LRP1B: variants seen among roughly 807,000 people sequenced by gnomAD.
LRP1B encodes the protein low-density lipoprotein receptor-related protein 1B.
In LRP1B, 217 loss-of-function variants were observed where a neutral mutation model predicts 556.6. The observed-to-expected ratio is 0.39, with a 90% CI of 0.35 to 0.44. The LOEUF is 0.44. Ranked by LOEUF, LRP1B falls within the 20% of genes least tolerant of loss-of-function variation. The pLI is 1.00. For synonymous variants in LRP1B, 2,047 were observed against 1,865.8 expected (o/e 1.10, Z -2.50); for missense variants, 5,053 against 5,620.8 (o/e 0.90, Z 3.23).
chr2:141,674,848 T>A (rs916616789), intron 2 of LRP1B, among the ~76,000 whole-genome samples: 3 of 152,014 alleles, frequency 2.0e-5, no homozygotes, highest in African/African-American at 7.2e-5. Flanking sequence ...ACATGTACAT[T>A]AGACATTTTG....
At chr2:141,125,385 C>T (rs183289009) in intron 7 of LRP1B, among the ~76,000 whole-genome samples, 46 of 152,176 alleles carry the variant, frequency 3.0e-4, no homozygotes, top group African/African-American at 1.1e-3. Flanking sequence ...CAGCAGTGAG[C>T]CCATGCATGC....
intron 1 of LRP1B, among the ~76,000 whole-genome samples, chr2:141,922,234 T>C (rs577613660): frequency 3.0e-4 from 46 of 152,308 alleles, no homozygotes; most frequent in Non-Finnish European, 5.7e-4. Context: ...AAAATACGTA[T>C]TGAAGTAAGC....
intron 2 of LRP1B, among the ~76,000 whole-genome samples, chr2:141,709,697 C>A (rs16846925): frequency 2.6e-5 from 4 of 151,968 alleles, no homozygotes; most frequent in Non-Finnish European, 5.9e-5. Context: ...CATCACTATA[C>A]GTGGTGTGTG....
rs1021852396 is a variant in LRP1B at position 140,883,667 on chromosome 2, C to A, written c.4169+150G>T. 1.4e-5 allele frequency: 8 copies of A among 584,682 alleles called. 1 individual carries two copies. In the Admixed American group the frequency reaches 1.8e-4, roughly 13 times the overall value. The allele number at this position is 584,682 out of a possible 1,614,324, so 36.2% of individuals were successfully genotyped here. A position where few individuals can be genotyped will look rare whatever the true frequency, so the allele number is the denominator to read the frequency against. On this transcript the variant is annotated intron_variant, in intron 25 of 90. Coordinates refer to ENST00000389484, the MANE Select transcript of LRP1B (RefSeq NM_018557.3). The stretch of plus-strand genomic sequence containing the variant: ...GCTGTATGTACAACTCACATACCTA[C>A]CCCCACCTCCCCGCCCCCGCCACAC...
rs536170970 is a variant in LRP1B at position 140,907,346 on chromosome 2, A to T, written c.3520+531T>A. 2.6e-5 allele frequency among the ~76,000 whole-genome samples: 4 copies of T among 152,258 alleles called. No homozygotes were observed. In the East Asian group the frequency reaches 7.7e-4, roughly 29 times the overall value. On this transcript the variant is annotated intron_variant, in intron 22 of 90. Coordinates refer to ENST00000389484, the MANE Select transcript of LRP1B (RefSeq NM_018557.3). ...GCTCATTGAAATCATCATTTTAACT[A>T]GATAAGGCATACTAAAGAAAGCTGT...
intron 2 of LRP1B, among the ~76,000 whole-genome samples, chr2:141,634,697 A>T (rs1473918925): frequency 6.6e-6 from 1 of 152,020 alleles, no homozygotes; most frequent in Admixed American, 6.6e-5. Context: ...AGAGGTATAT[A>T]GCTAATATTT....
intron 1 of LRP1B, among the ~76,000 whole-genome samples, chr2:141,992,626 G>T (rs549068360): frequency 1.5e-4 from 23 of 152,240 alleles, no homozygotes; most frequent in African/African-American, 5.1e-4. Context: ...TGTGCCATTT[G>T]GTCATAGACC....
At chr2:141,422,392 A>C (rs548615590) in intron 3 of LRP1B, among the ~76,000 whole-genome samples, 1 of 152,266 alleles carries the variant, frequency 6.6e-6, no homozygotes, top group East Asian at 1.9e-4. Context: ...TTCACTTCAA[A>C]ATTTTTAAGA....
chr2:141,543,579 G>A (rs1440047691), intron 2 of LRP1B, among the ~76,000 whole-genome samples: 1 of 144,866 alleles, frequency 6.9e-6, no homozygotes, highest in Non-Finnish European at 1.5e-5. Context: ...ACAAACACAA[G>A]CTGGGTATGG....
intron 2 of LRP1B, among the ~76,000 whole-genome samples, chr2:141,801,616 C>T (rs1223680749): frequency 6.6e-6 from 1 of 152,096 alleles, no homozygotes. Context: ...CATATATTTG[C>T]AGTACAGAAT....
chr2:140,454,554 T>C (rs1687019787), intron 62 of LRP1B, among the ~76,000 whole-genome samples: 1 of 152,190 alleles, frequency 6.6e-6, no homozygotes, highest in Non-Finnish European at 1.5e-5. Context: ...TTGGATTTGT[T>C]TGTTCTGTCT....
chr2:140,748,005 T>C (rs1688375455), intron 35 of LRP1B, among the ~76,000 whole-genome samples: 1 of 148,956 alleles, frequency 6.7e-6, no homozygotes, highest in Admixed American at 6.8e-5. Context: ...ATAGTTATTA[T>C]CATGGGTCAT....
rs146695380 is a variant in LRP1B, at chr2:140,916,945, T to G, written c.3319+6020A>C. Reference sequence around the variant, plus strand: ...AATCACAGAGAAGTGTACATGTCAGTGCATTATAATGACTTCCAAATCTGC... The same window carrying G: ...AATCACAGAGAAGTGTACATGTCAGGGCATTATAATGACTTCCAAATCTGC... On this transcript the variant is annotated intron_variant, in intron 21 of 90. Coordinates refer to ENST00000389484, the MANE Select transcript of LRP1B (RefSeq NM_018557.3). 6.1e-3 allele frequency among the ~76,000 whole-genome samples: 928 copies of G among 152,320 alleles called. 7 individuals carry two copies. The highest frequency in any genetic ancestry group is 0.021 in the African/African-American group (882 of 41,586).
chr2:140,481,169 AC>A (rs1236935719), intron 59 of LRP1B, among the ~76,000 whole-genome samples: 1 of 152,168 alleles, frequency 6.6e-6, no homozygotes, highest in Non-Finnish European at 1.5e-5. Flanking sequence ...CCCAGCCCTT[AC>A]CTGTCCTAAT....
chr2:141,676,534 C>T (rs1484290294), intron 2 of LRP1B, among the ~76,000 whole-genome samples: 1 of 152,076 alleles, frequency 6.6e-6, no homozygotes, highest in Non-Finnish European at 1.5e-5. Context: ...CATTTCTTCC[C>T]CATTAATTAT....
At chr2:142,034,006 A>T (rs1274254101) in intron 1 of LRP1B, among the ~76,000 whole-genome samples, 1 of 151,710 alleles carries the variant, frequency 6.6e-6, no homozygotes, top group Non-Finnish European at 1.5e-5. Flanking sequence ...TGTAGTCTAT[A>T]ATGTTCCCAC....
intron 82 of LRP1B, among the ~76,000 whole-genome samples, chr2:140,318,333 CTTACA>C (rs1377280153): frequency 6.6e-6 from 1 of 152,006 alleles, no homozygotes; most frequent in Non-Finnish European, 1.5e-5. Context: ...AAGATTTTCT[CTTACA>C]TTACAAGAAT....
intron 1 of LRP1B, among the ~76,000 whole-genome samples, chr2:141,962,944 T>C (rs372324765): frequency 1.3e-5 from 2 of 151,860 alleles, no homozygotes; most frequent in African/African-American, 4.8e-5. Context: ...AATAGCATCC[T>C]GTAAGTAGTC....
At chr2:141,568,085 ACTTG>A (rs1237318337) in intron 2 of LRP1B, among the ~76,000 whole-genome samples, 1 of 150,966 alleles carries the variant, frequency 6.6e-6, no homozygotes, top group Non-Finnish European at 1.5e-5. Context: ...AATATTTAAG[ACTTG>A]CTTGCTGCTC....
Sources: gnomAD v4.1 joint callset for allele counts (sites outside exome capture counted in the v4.1 genomes callset) on GRCh38, gnomAD v4.1.1 for gene constraint, MANE v1.5 for transcripts, NCBI Gene and HGNC (gene_info 2026-07-23, HGNC 2026-07-21) for gene names.